ANGPTL5: variants seen among roughly 807,000 people sequenced by gnomAD.
ANGPTL5 encodes the protein angiopoietin like 5, also known as angiopoietin-related protein 5.
Under a neutral mutation model 39.4 loss-of-function variants are expected in ANGPTL5, and 34 were observed. That is an observed-to-expected ratio of 0.86 (90% CI 0.66 to 1.15). The LOEUF is 1.15. ANGPTL5 is among the 50% of genes most tolerant of loss of function. ANGPTL5 has a pLI of 0.00. For synonymous variants in ANGPTL5, 146 were observed against 152.1 expected, an observed-to-expected ratio of 0.96 and a Z score of 0.29; for missense variants, 467 against 457.5, an observed-to-expected ratio of 1.02 and a Z score of -0.19.
In ANGPTL5 at chr11:101,899,821, G is replaced by A. The variant is rs558258811; in HGVS notation, c.661+609C>T. ...TAGCATAAAAATTAGTAAACTCACT[G>A]GCAGAAGTTCCAATTAATGTAAAAT... On this transcript the variant is annotated intron_variant, in intron 7 of 8. Coordinates refer to ENST00000334289, the MANE Select transcript of ANGPTL5 (RefSeq NM_178127.5). 4.4e-4 allele frequency among the ~76,000 whole-genome samples: 67 copies of A among 152,264 alleles called. No homozygotes were observed. The South Asian group carries it at 5.0e-3, about 11-fold the overall frequency.
At chr11:101,908,819 G>A (rs1940044937) in intron 1 of ANGPTL5, among the ~76,000 whole-genome samples, 1 of 150,104 alleles carries the variant, frequency 6.7e-6, no homozygotes, top group Non-Finnish European at 1.5e-5. Context: ...TTCTAAGACT[G>A]TAATTAATCT....
Position 101,907,267 on chromosome 11 carries a change from A to T in ANGPTL5, c.97-20T>A. ...AGAGTCCTTTATATTAAAAAATAGA[A>T]ATAAGAAAAAAATACATTAAACATG... is the stretch of plus-strand genomic sequence containing the variant. On this transcript the variant is annotated intron_variant, in intron 2 of 8. Transcript: ENST00000334289. 7.3e-7 allele frequency: 1 copy of T among 1,369,650 alleles called. No homozygotes were observed. The highest frequency in any genetic ancestry group is 1.0e-6 in the Non-Finnish European group (1 of 999,642). The allele number at this position is 1,369,650 out of a possible 1,614,324, so 84.8% of individuals were successfully genotyped here.
intron 1 of ANGPTL5, among the ~76,000 whole-genome samples, chr11:101,914,334 G>C (rs1940147166): frequency 6.6e-6 from 1 of 152,146 alleles, no homozygotes; most frequent in Admixed American, 6.5e-5. Flanking sequence ...ATAAACTAGT[G>C]TCTCAAAAAT....
intron 7 of ANGPTL5, among the ~76,000 whole-genome samples, chr11:101,896,932 C>T (rs570202660): frequency 2.2e-3 from 332 of 152,322 alleles, no homozygotes; most frequent in Non-Finnish European, 3.6e-3. Context: ...AATCACCACA[C>T]TGTCTTCAAC....
intron 7 of ANGPTL5, among the ~76,000 whole-genome samples, chr11:101,897,887 T>C (rs1939827707): frequency 6.6e-6 from 1 of 152,178 alleles, no homozygotes; most frequent in African/African-American, 2.4e-5. Flanking sequence ...TCTAATTATG[T>C]GAAGAAAGTC....
chr11:101,911,460 A>G (rs1940091934), intron 1 of ANGPTL5, among the ~76,000 whole-genome samples: 1 of 152,038 alleles, frequency 6.6e-6, no homozygotes, highest in Non-Finnish European at 1.5e-5. Flanking sequence ...GTAATCCCCA[A>G]TGTTGGAGGT....
At chr11:101,912,782 G>A (rs1940112616) in intron 1 of ANGPTL5, among the ~76,000 whole-genome samples, 1 of 152,178 alleles carries the variant, frequency 6.6e-6, no homozygotes, top group African/African-American at 2.4e-5. Flanking sequence ...GCCATAATGG[G>A]ATGGAAGGTC....
intron 1 of ANGPTL5, among the ~76,000 whole-genome samples, chr11:101,909,832 C>G (rs1001634710): frequency 2.0e-5 from 3 of 152,200 alleles, no homozygotes; most frequent in Non-Finnish European, 4.4e-5. Flanking sequence ...CTTTGAGTTC[C>G]TCTGTAGCAA....
At chr11:101,897,380 T>A (rs1251903679) in intron 7 of ANGPTL5, among the ~76,000 whole-genome samples, 1 of 152,244 alleles carries the variant, frequency 6.6e-6, no homozygotes, top group South Asian at 2.1e-4. Flanking sequence ...TTTGTCAATT[T>A]TGGCTTTTGT....
intron 8 of ANGPTL5, among the ~76,000 whole-genome samples, chr11:101,893,591 T>C (rs1939742400): frequency 6.6e-6 from 1 of 152,182 alleles, no homozygotes; most frequent in African/African-American, 2.4e-5. Context: ...CCATTATCAA[T>C]ATTATCCTTT....
chr11:101,914,898 T>A, intron 1 of ANGPTL5: 1 of 193,360 alleles, frequency 5.2e-6, no homozygotes, highest in Non-Finnish European at 1.1e-5. Flanking sequence ...GATGCTTGGG[T>A]TGCCACCCGC....
rs2137058544 is a variant in ANGPTL5 at position 101,902,692 on chromosome 11, T to C, written c.469A>G (p.Ile157Val). The change falls in exon 6 of 9, where the codon ATT becomes GTT. Residue 157 changes from isoleucine (I) to valine (V), a missense_variant. Ile to Val is a conservative substitution (Grantham distance 29, BLOSUM62 3). Coordinates refer to ENST00000334289, the MANE Select transcript of ANGPTL5 (RefSeq NM_178127.5). ...GLDCTDIKDT[I>V]GSVTKTPSGL... Reference sequence around the variant, plus strand: ...CTCGGTGTTTTGGTGACAGAGCCAATGGTATCCTTAATATCAGTGCAATCT... The same window carrying C: ...CTCGGTGTTTTGGTGACAGAGCCAACGGTATCCTTAATATCAGTGCAATCT... 6.2e-7 allele frequency: 1 copy of C among 1,611,436 alleles called. No individual in the cohort carries two copies. The highest frequency in any genetic ancestry group is 8.5e-7 in the Non-Finnish European group (1 of 1,178,094).
chr11:101,900,508 T>C lies in ANGPTL5; in HGVS notation c.583A>G (p.Ile195Val), dbSNP rs769470490. The change falls in exon 7 of 9, where the codon ATA becomes GTA. Residue 195 changes from isoleucine (I) to valine (V), a missense_variant. Physicochemically the swap from Ile to Val is conservative, Grantham distance 29. Coordinates refer to ENST00000334289, the MANE Select transcript of ANGPTL5 (RefSeq NM_178127.5). Reference sequence around the variant, plus strand: ...ATTATCCCATCAATTCTTTTCTGTATCACAGTCCGTCCACCTCCTCTGTAA... The same window carrying C: ...ATTATCCCATCAATTCTTTTCTGTACCACAGTCCGTCCACCTCCTCTGTAA... ...MDYRGGGRTV[I>V]QKRIDGIIDF... 7.4e-5 allele frequency: 120 copies of C among 1,612,740 alleles called. No homozygotes were observed. Among genetic ancestry groups the C allele is most frequent in the Non-Finnish European group, 9.9e-5 (117 of 1,179,010 alleles).
chr11:101,895,967 C>T (rs1212266266), intron 7 of ANGPTL5, among the ~76,000 whole-genome samples: 1 of 152,008 alleles, frequency 6.6e-6, no homozygotes, highest in Non-Finnish European at 1.5e-5. Flanking sequence ...CTCACAGGGG[C>T]AGACATTTTA....
chr11:101,908,591 C>T (rs774465616), intron 1 of ANGPTL5, among the ~76,000 whole-genome samples: 4 of 151,984 alleles, frequency 2.6e-5, no homozygotes, highest in Non-Finnish European at 5.9e-5. Context: ...CCAGCCTGGT[C>T]AACATGGCGA....
intron 1 of ANGPTL5, among the ~76,000 whole-genome samples, chr11:101,910,173 G>A (rs1054748204): frequency 3.3e-5 from 5 of 152,100 alleles, no homozygotes; most frequent in Admixed American, 3.3e-4. Context: ...CACTTTGGGA[G>A]GCTGAGGCGG....
At chr11:101,892,290 G>T (rs544303110) in intron 8 of ANGPTL5, among the ~76,000 whole-genome samples, 1 of 152,258 alleles carries the variant, frequency 6.6e-6, no homozygotes, top group East Asian at 1.9e-4. Flanking sequence ...GAGTGGAATT[G>T]CATGATCTCG....
intron 1 of ANGPTL5, chr11:101,915,446 G>T: frequency 6.3e-7 from 1 of 1,584,428 alleles, no homozygotes. Context: ...CCAGGGTAGC[G>T]ATGTTGAAAA....
Position 101,891,453 on chromosome 11 carries a change from G to T in ANGPTL5, c.993C>A (p.Thr331=), listed in dbSNP as rs143519942. 2.5e-6 allele frequency: 4 copies of T among 1,613,992 alleles called. No individual in the cohort carries two copies. The East Asian group carries it at 6.7e-5, about 27-fold the overall frequency. ...VKSCSHLHNK[T]GWWFNECGLA... is the part of the protein sequence containing the mutation. ...GACCACACTCGTTAAACCACCAGCCGGTCTTGTTATGGAGGTGACTGCAGC... is the reference window on the plus strand; with the variant it reads ...GACCACACTCGTTAAACCACCAGCCTGTCTTGTTATGGAGGTGACTGCAGC... The change falls in exon 9 of 9, where the codon ACC becomes ACA. Residue 331 remains threonine (T), a synonymous_variant. Transcript: ENST00000334289.
Sources: gnomAD v4.1 joint callset for allele counts (sites outside exome capture counted in the v4.1 genomes callset) on GRCh38, gnomAD v4.1.1 for gene constraint, MANE v1.5 for transcripts, NCBI Gene and HGNC (gene_info 2026-07-23, HGNC 2026-07-21) for gene names.